The following CHRM5 variants were observed in gnomAD, a reference collection of about 807,000 sequenced individuals.
CHRM5 encodes the protein muscarinic acetylcholine receptor M5.
In CHRM5, 18 loss-of-function variants were observed where a neutral mutation model predicts 39.0. The ratio of observed to expected loss-of-function variants is 0.46; its 90% CI spans 0.32 to 0.68. CHRM5 has a LOEUF of 0.68. Ranked by LOEUF, CHRM5 falls within the 30% of genes least tolerant of loss-of-function variation. CHRM5 has a pLI of 0.04. For synonymous variants in CHRM5, 241 were observed against 246.3 expected, an observed-to-expected ratio of 0.98 and a Z score of 0.20; for missense variants, 515 against 651.1, an observed-to-expected ratio of 0.79 and a Z score of 2.28.
At chr15:33,983,215 C>CATGT (rs1896263145) in intron 1 of CHRM5, among the ~76,000 whole-genome samples, 1 of 111,784 alleles carries the variant, frequency 8.9e-6, no homozygotes, top group Non-Finnish European at 1.7e-5. Context: ...TATATATATA[C>CATGT]ATATATATAC....
At chr15:33,989,780 T>C (rs1389041018) in intron 1 of CHRM5, among the ~76,000 whole-genome samples, 10 of 151,958 alleles carry the variant, frequency 6.6e-5, no homozygotes, top group African/African-American at 1.2e-4. Flanking sequence ...GAAGCATTTA[T>C]TTGCTCTCCT....
At chr15:34,017,140 A>G (rs1357601535) in intron 1 of CHRM5, among the ~76,000 whole-genome samples, 3 of 152,072 alleles carry the variant, frequency 2.0e-5, no homozygotes, top group Non-Finnish European at 4.4e-5. Flanking sequence ...GGGGGAAAAA[A>G]AAAGGTATCA....
chr15:33,985,537 CAGACAAAGAGCAGTCAGAGCCTTGCAT>C (rs1412979240), intron 1 of CHRM5, among the ~76,000 whole-genome samples: 1 of 151,894 alleles, frequency 6.6e-6, no homozygotes, highest in East Asian at 1.9e-4. Flanking sequence ...ATGAGAAATT[CAGACAAAGAGCAGTCAGAGCCTTGCAT>C]TCTTGACATA....
chr15:33,981,301 A>G (rs926199810), intron 1 of CHRM5, among the ~76,000 whole-genome samples: 5 of 152,224 alleles, frequency 3.3e-5, no homozygotes, highest in Admixed American at 2.6e-4. Flanking sequence ...TTAGCAGTCA[A>G]GAAAAACTCA....
At chr15:33,974,024 A>G (rs890779800) in intron 1 of CHRM5, among the ~76,000 whole-genome samples, 1 of 152,184 alleles carries the variant, frequency 6.6e-6, no homozygotes, top group Non-Finnish European at 1.5e-5. Flanking sequence ...CTATAAGGAG[A>G]TAATATCTGT....
At chr15:34,026,550 C>T (rs1395471274) in intron 1 of CHRM5, among the ~76,000 whole-genome samples, 3 of 151,998 alleles carry the variant, frequency 2.0e-5, no homozygotes, top group East Asian at 1.9e-4. Flanking sequence ...GCTGACGTCA[C>T]CCAGGATGTA....
rs1295937221 is a variant in CHRM5, at chr15:34,003,343, T to G, written c.-408+34193T>G. Reference sequence around the variant, plus strand: ...CCAAGCTGTCTGAAGATATTAAATATTATTTTAAGAGAATCACACTATACC... The same window carrying G: ...CCAAGCTGTCTGAAGATATTAAATAGTATTTTAAGAGAATCACACTATACC... On this transcript the variant is annotated intron_variant, in intron 1 of 2. Transcript: ENST00000383263. 10 of 748,832 alleles carry G rather than the reference T, an allele frequency of 1.3e-5. No homozygotes were observed. The African/African-American group carries it at 1.8e-4, about 13-fold the overall frequency. The allele number at this position is 748,832 out of a possible 1,614,324, so 46.4% of individuals were successfully genotyped here.
At chr15:33,998,832 C>A (rs1897034367) in intron 1 of CHRM5, among the ~76,000 whole-genome samples, 1 of 152,190 alleles carries the variant, frequency 6.6e-6, no homozygotes, top group Non-Finnish European at 1.5e-5. Context: ...TTCCCCTAAA[C>A]TCTAGACACT....
intron 1 of CHRM5, among the ~76,000 whole-genome samples, chr15:33,998,449 CCT>C (rs767253434): frequency 2.6e-5 from 4 of 152,000 alleles, no homozygotes; most frequent in African/African-American, 4.8e-5. Context: ...ATAAGAAGAC[CCT>C]GTCACTACAA....
chr15:34,045,470 C>G (rs4780203), intron 1 of CHRM5, among the ~76,000 whole-genome samples: 22,525 of 152,220 alleles, frequency 0.15, 2,074 homozygotes, highest in Middle Eastern at 0.27. Context: ...ACTGCAAGTC[C>G]TTCCTCATAT....
chr15:33,982,942 C>T (rs1375594981), intron 1 of CHRM5, among the ~76,000 whole-genome samples: 1 of 86,330 alleles, frequency 1.2e-5, no homozygotes, highest in Non-Finnish European at 2.0e-5. Flanking sequence ...GGACATGCCT[C>T]CTTCCTACCC....
chr15:33,972,503 A>AAAAAAC (rs5811807), intron 1 of CHRM5: 142,769 of 151,696 alleles, frequency 0.94, 67,521 homozygotes, highest in Non-Finnish European at 0.99. Context: ...TGGATTTGTT[A>AAAAAAC]AAAAACAAAA....
chr15:34,027,170 C>T (rs1017963357), intron 1 of CHRM5, among the ~76,000 whole-genome samples: 17 of 152,282 alleles, frequency 1.1e-4, no homozygotes, highest in African/African-American at 3.9e-4. Context: ...AGCTAAATCT[C>T]AGTATGAACA....
intron 1 of CHRM5, among the ~76,000 whole-genome samples, chr15:34,014,083 C>G (rs936240612): frequency 6.6e-6 from 1 of 152,138 alleles, no homozygotes; most frequent in East Asian, 1.9e-4. Flanking sequence ...ACACATTTAG[C>G]TGGGCACAGT....
chr15:33,988,295 C>T (rs1567451501), intron 1 of CHRM5, among the ~76,000 whole-genome samples: 1 of 152,098 alleles, frequency 6.6e-6, no homozygotes, highest in Non-Finnish European at 1.5e-5. Flanking sequence ...TGAACAGTAT[C>T]AAGTGCAAAA....
chr15:34,000,158 C>T lies in CHRM5; in HGVS notation c.-408+31008C>T, dbSNP rs77455220. Among the ~76,000 whole-genome samples, 1,506 of 152,262 alleles carry T rather than the reference C, an allele frequency of 9.9e-3. 25 individuals carry two copies. The highest frequency in any genetic ancestry group is 0.044 in the Admixed American group (680 of 15,286). ...TCAAATGTTATATTCTCAGTAAGAC[C>T]CCTGGCTACTTCTAAAACTGGTTAA... is the stretch of plus-strand genomic sequence containing the variant. On this transcript the variant is annotated intron_variant, in intron 1 of 2. Coordinates refer to ENST00000383263, the MANE Select transcript of CHRM5 (RefSeq NM_012125.4).
At position 34,029,955 on chromosome 15, in the gene CHRM5, T is replaced by A. The variant is rs148989788; in HGVS notation, c.-407-16585T>A. ...TAGAATGTGAACTCTAGATTCACAA[T>A]AGAACTATAAATTCCAAGCCGAGCA... On this transcript the variant is annotated intron_variant, in intron 1 of 2. Coordinates refer to ENST00000383263, the MANE Select transcript of CHRM5 (RefSeq NM_012125.4). 5.0e-3 allele frequency among the ~76,000 whole-genome samples: 759 copies of A among 152,218 alleles called. 11 individuals carry two copies. The highest frequency in any genetic ancestry group is 0.017 in the African/African-American group (725 of 41,544).
chr15:34,035,851 G>C (rs1269300592), intron 1 of CHRM5, among the ~76,000 whole-genome samples: 3 of 152,118 alleles, frequency 2.0e-5, no homozygotes, highest in Non-Finnish European at 2.9e-5. Context: ...CTGGAGTGCA[G>C]TGGCAGGATC....
intron 1 of CHRM5, among the ~76,000 whole-genome samples, chr15:34,013,908 G>T (rs73387951): frequency 6.6e-6 from 1 of 152,124 alleles, no homozygotes; most frequent in Non-Finnish European, 1.5e-5. Flanking sequence ...CTGAAGGAAC[G>T]GCTGCTATCT....
Sources: gnomAD v4.1 joint callset for allele counts (sites outside exome capture counted in the v4.1 genomes callset) on GRCh38, gnomAD v4.1.1 for gene constraint, MANE v1.5 for transcripts, NCBI Gene and HGNC (gene_info 2026-07-23, HGNC 2026-07-21) for gene names.